Variants in PCDH15 observed in about 807,000 individuals in gnomAD.
PCDH15 encodes the protein protocadherin-15.
A neutral mutation model predicts 178.5 loss-of-function variants in PCDH15; 129 were observed. The observed-to-expected ratio is 0.72, with a 90% confidence interval of 0.63 to 0.84. PCDH15 has a LOEUF of 0.84. Among genes scored for constraint, PCDH15 ranks in the 40% least tolerant of loss-of-function variants. PCDH15 has a pLI of 0.00. For missense variants in PCDH15, 2,230 were observed against 2,099.9 expected, an observed-to-expected ratio of 1.06 and a Z score of -1.21; for synonymous variants, 800 against 732.0, an observed-to-expected ratio of 1.09 and a Z score of -1.50.
intron 8 of PCDH15, among the ~76,000 whole-genome samples, chr10:54,302,036 A>C (rs2060178226): frequency 6.6e-6 from 1 of 152,140 alleles, no homozygotes; most frequent in Non-Finnish European, 1.5e-5. Context: ...AAAATGTAAA[A>C]CCATTTTTTT....
chr10:53,997,880 G>T (rs1038017838), intron 20 of PCDH15, among the ~76,000 whole-genome samples: 1 of 152,116 alleles, frequency 6.6e-6, no homozygotes, highest in Non-Finnish European at 1.5e-5. Flanking sequence ...TTTATGGCAC[G>T]TTGTACATAC....
intron 3 of PCDH15, among the ~76,000 whole-genome samples, chr10:54,811,458 AAAT>A (rs1302446481): frequency 1.2e-4 from 18 of 152,054 alleles, no homozygotes; most frequent in Non-Finnish European, 1.8e-4. Context: ...AGTTATAGCT[AAAT>A]AATTTTTTTT....
intron 8 of PCDH15, among the ~76,000 whole-genome samples, chr10:54,288,522 G>A (rs555830772): frequency 6.6e-6 from 1 of 152,072 alleles, no homozygotes; most frequent in Non-Finnish European, 1.5e-5. Context: ...TGAATAGTGG[G>A]TGCAGCCCAC....
chr10:54,474,031 G>C (rs544827921), intron 3 of PCDH15, among the ~76,000 whole-genome samples: 3 of 151,748 alleles, frequency 2.0e-5, no homozygotes, highest in African/African-American at 7.2e-5. Flanking sequence ...AATCTAAAGA[G>C]TGATTCCTGA....
intron 2 of PCDH15, among the ~76,000 whole-genome samples, chr10:55,127,318 C>T (rs955088511): frequency 1.3e-5 from 2 of 152,002 alleles, no homozygotes; most frequent in African/African-American, 4.8e-5. Flanking sequence ...TTTCCTATTG[C>T]CTCCAAGCCA....
chr10:54,646,879 T>C (rs1401852567), intron 2 of PCDH15, among the ~76,000 whole-genome samples: 1 of 151,996 alleles, frequency 6.6e-6, no homozygotes. Context: ...GGAACTCCTA[T>C]ACATGATGGG....
chr10:55,079,876 G>A (rs539287169), intron 2 of PCDH15, among the ~76,000 whole-genome samples: 2 of 152,250 alleles, frequency 1.3e-5, no homozygotes, highest in Non-Finnish European at 2.9e-5. Flanking sequence ...GGTTTGCTCA[G>A]GCTCTGGTGG....
intron 2 of PCDH15, among the ~76,000 whole-genome samples, chr10:55,428,486 TTTTA>T (rs1270022273): frequency 2.0e-5 from 3 of 151,938 alleles, no homozygotes; most frequent in African/African-American, 7.2e-5. Context: ...ACAGCTTTCT[TTTTA>T]TTTGTGTTAA....
chr10:54,656,838 G>A (rs1041331456), intron 2 of PCDH15, among the ~76,000 whole-genome samples: 31 of 152,260 alleles, frequency 2.0e-4, no homozygotes, highest in African/African-American at 7.5e-4. Flanking sequence ...AGCCGGGAAT[G>A]GATATGGAGA....
chr10:54,606,033 T>C (rs974654848), intron 2 of PCDH15: 2 of 152,166 alleles, frequency 1.3e-5, no homozygotes, highest in Non-Finnish European at 2.9e-5. Context: ...TTGTTTTCTA[T>C]AGCCCACATG....
At chr10:55,381,836 G>A (rs1337201696) in intron 2 of PCDH15, among the ~76,000 whole-genome samples, 1 of 152,156 alleles carries the variant, frequency 6.6e-6, no homozygotes, top group Non-Finnish European at 1.5e-5. Flanking sequence ...ACCACCAGCT[G>A]TTTTACCTTC....
chr10:55,070,675 T>C (rs1037358143), intron 2 of PCDH15, among the ~76,000 whole-genome samples: 11 of 152,222 alleles, frequency 7.2e-5, no homozygotes, highest in African/African-American at 2.7e-4. Context: ...TTTTGGTTAC[T>C]GTAGCCTTGT....
At chr10:55,055,083 T>A (rs367688355) in intron 2 of PCDH15, among the ~76,000 whole-genome samples, 2 of 152,292 alleles carry the variant, frequency 1.3e-5, no homozygotes, top group African/African-American at 4.8e-5. Flanking sequence ...TCATGAAGTC[T>A]TTGCCCATTC....
chr10:53,952,847 T>C (rs1014134528), intron 23 of PCDH15, among the ~76,000 whole-genome samples: 2 of 152,242 alleles, frequency 1.3e-5, no homozygotes, highest in African/African-American at 4.8e-5. Flanking sequence ...CAGCACCACA[T>C]GAGTGTGGGA....
At chr10:55,467,966 CAAAAAAAAAAAA>C (rs71463104) in intron 2 of PCDH15, among the ~76,000 whole-genome samples, 7 of 36,642 alleles carry the variant, frequency 1.9e-4, no homozygotes, top group African/African-American at 9.1e-4. Context: ...GACTCCGTCT[CAAAAAAAAAAAA>C]AAAAAAAAAA....
At chr10:54,271,288 G>A (rs2058032142) in intron 8 of PCDH15, among the ~76,000 whole-genome samples, 1 of 152,088 alleles carries the variant, frequency 6.6e-6, no homozygotes, top group African/African-American at 2.4e-5. Flanking sequence ...TCGGCTCACT[G>A]CAACCTCCAC....
At chr10:54,144,616 C>T (rs2043729046) in intron 14 of PCDH15, among the ~76,000 whole-genome samples, 1 of 152,104 alleles carries the variant, frequency 6.6e-6, no homozygotes, top group Non-Finnish European at 1.5e-5. Context: ...CTCCCATCGC[C>T]TCAGCGGCAG....
intron 26 of PCDH15, among the ~76,000 whole-genome samples, chr10:53,878,759 G>A (rs1004732575): frequency 7.9e-5 from 12 of 151,948 alleles, no homozygotes; most frequent in East Asian, 7.7e-4. Context: ...GTGGTACCAC[G>A]TGCAGTCAGT....
At chr10:55,580,361 T>A (rs750547749) in intron 2 of PCDH15, among the ~76,000 whole-genome samples, 1 of 59,706 alleles carries the variant, frequency 1.7e-5, no homozygotes, top group African/African-American at 5.0e-5. Context: ...TATTTTTTTA[T>A]TTTTTTTTTT....
Sources: gnomAD v4.1 joint callset for allele counts (sites outside exome capture counted in the v4.1 genomes callset) on GRCh38, gnomAD v4.1.1 for gene constraint, MANE v1.5 for transcripts, NCBI Gene and HGNC (gene_info 2026-07-23, HGNC 2026-07-21) for gene names.